Variants in AGBL1 observed in about 807,000 individuals in gnomAD.
The protein encoded by AGBL1 is AGBL carboxypeptidase 1, also known as cytosolic carboxypeptidase 4.
Under a neutral mutation model 118.9 loss-of-function variants are expected in AGBL1, and 130 were observed. The ratio of observed to expected loss-of-function variants is 1.09; its 90% CI spans 0.95 to 1.26. AGBL1 has a LOEUF of 1.26. AGBL1 is among the 50% of genes most tolerant of loss of function. The probability of loss-of-function intolerance (pLI) is 0.00; values close to 1 mark genes in which losing one functional copy is unlikely to be tolerated. For missense variants in AGBL1, 1,584 were observed against 1,298.1 expected, an observed-to-expected ratio of 1.22 and a Z score of -3.38; for synonymous variants, 555 against 478.9, an observed-to-expected ratio of 1.16 and a Z score of -2.08.
chr15:86,422,867 C>A (rs1226854965), intron 18 of AGBL1, among the ~76,000 whole-genome samples: 2 of 152,148 alleles, frequency 1.3e-5, no homozygotes, highest in Non-Finnish European at 2.9e-5. Context: ...CATTCCTGGA[C>A]ACATACACAC....
chr15:86,558,855 CTG>C (rs1367345780), intron 21 of AGBL1, among the ~76,000 whole-genome samples: 1 of 152,154 alleles, frequency 6.6e-6, no homozygotes, highest in East Asian at 1.9e-4. Context: ...TGTAGGCTGA[CTG>C]TATTTATTTT....
intron 21 of AGBL1, chr15:86,556,265 C>A: frequency 1.2e-6 from 2 of 1,613,330 alleles, no homozygotes; most frequent in Admixed American, 1.7e-5. Flanking sequence ...TGAAAGGGCT[C>A]ACCCAGTGGA....
chr15:86,790,368 G>T (rs549569842), intron 22 of AGBL1, among the ~76,000 whole-genome samples: 1 of 146,044 alleles, frequency 6.8e-6, no homozygotes, highest in Non-Finnish European at 1.5e-5. Context: ...ACACACACAC[G>T]CATGCACGCA....
intron 22 of AGBL1, among the ~76,000 whole-genome samples, chr15:86,706,213 A>G (rs2086447037): frequency 6.6e-6 from 1 of 152,146 alleles, no homozygotes; most frequent in African/African-American, 2.4e-5. Context: ...CAAAGATAAA[A>G]TATCGTTTTT....
At chr15:86,409,692 C>T (rs1014888454) in intron 18 of AGBL1, among the ~76,000 whole-genome samples, 2 of 152,142 alleles carry the variant, frequency 1.3e-5, no homozygotes, top group African/African-American at 4.8e-5. Context: ...GGGTTTCCCC[C>T]CCTCACTTCC....
intron 21 of AGBL1, among the ~76,000 whole-genome samples, chr15:86,573,119 A>G (rs2084034164): frequency 6.6e-6 from 1 of 152,220 alleles, no homozygotes; most frequent in Non-Finnish European, 1.5e-5. Context: ...TTTACTAGTT[A>G]TCTACTTTGT....
intron 22 of AGBL1, among the ~76,000 whole-genome samples, chr15:86,906,119 A>G (rs1469020417): frequency 6.6e-6 from 1 of 152,224 alleles, no homozygotes; most frequent in East Asian, 1.9e-4. Context: ...CAGGTGGATG[A>G]ACAGCTCTGC....
intron 1 of AGBL1, among the ~76,000 whole-genome samples, chr15:86,128,449 A>G (rs1376968840): frequency 6.6e-6 from 1 of 152,180 alleles, no homozygotes; most frequent in African/African-American, 2.4e-5. Flanking sequence ...ATTACATGTC[A>G]TGGTAAAACT....
chr15:86,493,606 C>T (rs1224878565), intron 18 of AGBL1, among the ~76,000 whole-genome samples: 1 of 151,920 alleles, frequency 6.6e-6, no homozygotes, highest in Non-Finnish European at 1.5e-5. Context: ...CTGAGTCTTC[C>T]CCAACATTTT....
chr15:86,442,099 A>G (rs1346317809), intron 18 of AGBL1, among the ~76,000 whole-genome samples: 4 of 152,234 alleles, frequency 2.6e-5, no homozygotes, highest in Non-Finnish European at 5.9e-5. Context: ...ATGGTTCGAG[A>G]CAACTGTTTG....
chr15:86,388,776 GC>G (rs1384141150), intron 17 of AGBL1, among the ~76,000 whole-genome samples: 56 of 152,092 alleles, frequency 3.7e-4, no homozygotes, highest in African/African-American at 1.3e-3. Context: ...CTCTTTTCTT[GC>G]CTTATAAGCA....
intron 22 of AGBL1, among the ~76,000 whole-genome samples, chr15:86,853,315 C>T (rs763785861): frequency 1.1e-4 from 16 of 152,156 alleles, no homozygotes; most frequent in African/African-American, 1.7e-4. Context: ...ACAAGATCCA[C>T]AAATAAGCAT....
At chr15:86,618,809 C>T (rs996593801) in intron 21 of AGBL1, among the ~76,000 whole-genome samples, 6 of 152,060 alleles carry the variant, frequency 3.9e-5, no homozygotes, top group South Asian at 4.1e-4. Context: ...GCCCGTTTTG[C>T]CCTCCTCATT....
intron 22 of AGBL1, among the ~76,000 whole-genome samples, chr15:86,834,999 A>C (rs183557725): frequency 6.6e-5 from 10 of 152,258 alleles, no homozygotes; most frequent in African/African-American, 2.4e-4. Flanking sequence ...AATTGTGTTC[A>C]CTTGCTACCA....
At chr15:86,700,726 A>C (rs938738690) in intron 22 of AGBL1, among the ~76,000 whole-genome samples, 5 of 152,228 alleles carry the variant, frequency 3.3e-5, no homozygotes, top group African/African-American at 1.2e-4. Context: ...CTGTGCCTCA[A>C]GTAATCCTAA....
At chr15:86,418,706 G>A (rs1043113911) in intron 18 of AGBL1, among the ~76,000 whole-genome samples, 3 of 152,170 alleles carry the variant, frequency 2.0e-5, no homozygotes, top group Non-Finnish European at 4.4e-5. Context: ...GAGTGAAGAG[G>A]AGACCCCAGC....
chr15:86,514,952 A>T (rs1367567517), intron 18 of AGBL1, among the ~76,000 whole-genome samples: 3 of 152,144 alleles, frequency 2.0e-5, no homozygotes, highest in African/African-American at 7.2e-5. Flanking sequence ...ATATCAACTC[A>T]TTGGGATTTT....
intron 22 of AGBL1, among the ~76,000 whole-genome samples, chr15:86,751,898 T>C (rs2077859481): frequency 6.6e-6 from 1 of 152,082 alleles, no homozygotes; most frequent in Non-Finnish European, 1.5e-5. Flanking sequence ...CATGTTTTAA[T>C]CACAGGTCCC....
chr15:86,774,845 G>A (rs1278372229), intron 22 of AGBL1, among the ~76,000 whole-genome samples: 1 of 152,114 alleles, frequency 6.6e-6, no homozygotes, highest in African/African-American at 2.4e-5. Context: ...TATAAGAAAT[G>A]AAGTGGAGAG....
Sources: gnomAD v4.1 joint callset for allele counts (sites outside exome capture counted in the v4.1 genomes callset) on GRCh38, gnomAD v4.1.1 for gene constraint, MANE v1.5 for transcripts, NCBI Gene and HGNC (gene_info 2026-07-23, HGNC 2026-07-21) for gene names.